GTF2IRD1: variants seen among roughly 807,000 people sequenced by gnomAD.
The protein encoded by GTF2IRD1 is general transcription factor II-I repeat domain-containing protein 1.
Under a neutral mutation model 113.2 loss-of-function variants are expected in GTF2IRD1, and 26 were observed. The observed-to-expected ratio is 0.23, with a 90% CI of 0.17 to 0.32. The LOEUF is 0.32. Ranked by LOEUF, GTF2IRD1 falls within the 10% of genes least tolerant of loss-of-function variation. GTF2IRD1 has a pLI of 1.00. For missense variants in GTF2IRD1, 864 were observed against 1,280.8 expected, an observed-to-expected ratio of 0.67 and a Z score of 4.97; for synonymous variants, 484 against 529.1, an observed-to-expected ratio of 0.91 and a Z score of 1.17.
intron 14 of GTF2IRD1, among the ~76,000 whole-genome samples, chr7:74,543,388 G>A (rs1367427744): frequency 6.6e-6 from 1 of 151,970 alleles, no homozygotes; most frequent in Non-Finnish European, 1.5e-5. Context: ...CAGGAGAATC[G>A]CTTGAACCCA....
At position 74,519,203 on chromosome 7, in the gene GTF2IRD1, G is replaced by A. The variant is rs113815391; in HGVS notation, c.606-206G>A. 2.9e-3 allele frequency among the ~76,000 whole-genome samples: 435 copies of A among 152,314 alleles called. 2 individuals carry two copies. Among genetic ancestry groups the A allele is most frequent in the African/African-American group, 9.8e-3 (406 of 41,582 alleles). ...AGAGGGGCAGGGCCCAGGTCCTCCG[G>A]TGGCCTAGCTCTGTGGCCCTGGGCA... On this transcript the variant is annotated intron_variant, in intron 5 of 26. Coordinates refer to ENST00000424337, the MANE Select transcript of GTF2IRD1 (RefSeq NM_005685.4).
intron 6 of GTF2IRD1, among the ~76,000 whole-genome samples, chr7:74,520,757 T>C (rs1584587344): frequency 8.3e-6 from 1 of 120,094 alleles, no homozygotes; most frequent in African/African-American, 3.3e-5. Flanking sequence ...CATAGCAAGA[T>C]CCTATCTCTA....
At chr7:74,544,875 C>T (rs1798836779) in intron 15 of GTF2IRD1, 73 bp downstream of exon 15, 4 of 1,250,184 alleles carry the variant, frequency 3.2e-6, no homozygotes, top group Middle Eastern at 1.9e-4. Flanking sequence ...GCCCACCTCC[C>T]CTTGGCCTCT....
chr7:74,500,799 C>T (rs943027699), intron 1 of GTF2IRD1, among the ~76,000 whole-genome samples: 29 of 152,080 alleles, frequency 1.9e-4, no homozygotes, highest in Admixed American at 1.2e-3. Context: ...TCACAGTTCT[C>T]TGTAGCCTCG....
Position 74,558,976 on chromosome 7 carries a change from T to C in GTF2IRD1, c.2223T>C (p.Cys741=). The stretch of plus-strand genomic sequence containing the variant: ...CAGGAATCCCGTTCCGAAAGCCCTG[T>C]ACCTTCGGCTCCCAGAACCTGGAGA... The part of the protein sequence containing the change: ...LPPGIPFRKP[C]TFGSQNLERI... Residue 741 remains cysteine (C), a synonymous_variant, in exon 21 of 27, where the codon TGT becomes TGC. Transcript: ENST00000424337. 6.2e-7 allele frequency: 1 copy of C among 1,614,142 alleles called. No homozygotes were observed. The highest frequency in any genetic ancestry group is 8.5e-7 in the Non-Finnish European group (1 of 1,180,004).
intron 22 of GTF2IRD1, 43 bp downstream of exon 22, chr7:74,559,698 C>T (rs782434777): frequency 4.6e-6 from 7 of 1,535,996 alleles, no homozygotes; most frequent in African/African-American, 1.4e-5. Flanking sequence ...GAATAGGGCC[C>T]GATCGTGGTG....
intron 13 of GTF2IRD1, among the ~76,000 whole-genome samples, chr7:74,539,457 G>T (rs1413093001): frequency 6.6e-6 from 1 of 151,470 alleles, no homozygotes; most frequent in African/African-American, 2.4e-5. Flanking sequence ...CAAAAAAAAA[G>T]AAATGACTGG....
At chr7:74,543,467 T>C (rs1798742356) in intron 14 of GTF2IRD1, among the ~76,000 whole-genome samples, 1 of 152,066 alleles carries the variant, frequency 6.6e-6, no homozygotes, top group South Asian at 2.1e-4. Flanking sequence ...AGCGAGACTC[T>C]GTCTCAAAAA....
At chr7:74,505,929 C>T (rs1796275715) in intron 1 of GTF2IRD1, 2 of 152,266 alleles carry the variant, frequency 1.3e-5, no homozygotes, top group African/African-American at 4.8e-5. Context: ...CTCCGCATCC[C>T]TTAATACAGC....
At chr7:74,533,695 G>A (rs1417870442) in intron 9 of GTF2IRD1, among the ~76,000 whole-genome samples, 1 of 152,060 alleles carries the variant, frequency 6.6e-6, no homozygotes, top group Non-Finnish European at 1.5e-5. Context: ...GGGAAGGGCT[G>A]GCCGCTCACT....
At position 74,546,774 on chromosome 7, in the gene GTF2IRD1, G is replaced by A. The variant is rs150342700; in HGVS notation, c.1733-329G>A. Among the ~76,000 whole-genome samples, 1,279 of 152,294 alleles carry A rather than the reference G, an allele frequency of 8.4e-3. 8 individuals carry two copies. The highest frequency in any genetic ancestry group is 0.012 in the African/African-American group (519 of 41,556). The stretch of plus-strand genomic sequence containing the variant: ...CCAGTGGACTCGGGGAAGCAATGCC[G>A]AATCTCAGCAGCCATTAGTGGTGGC... On this transcript the variant is annotated intron_variant, in intron 16 of 26. Transcript: ENST00000424337.
intron 10 of GTF2IRD1, 86 bp downstream of exon 10, chr7:74,535,224 C>A: frequency 9.6e-7 from 1 of 1,037,376 alleles, no homozygotes; most frequent in Non-Finnish European, 1.5e-6. Flanking sequence ...GGACTTGGTC[C>A]TCCTGAGCGC....
chr7:74,486,758 G>A (rs1315661485), intron 1 of GTF2IRD1, among the ~76,000 whole-genome samples: 1 of 151,690 alleles, frequency 6.6e-6, no homozygotes, highest in Non-Finnish European at 1.5e-5. Flanking sequence ...GATTGCTTGA[G>A]CCTAGGAGTT....
At position 74,515,255 on chromosome 7, in the gene GTF2IRD1, C is replaced by T. The variant is rs1796859888; in HGVS notation, c.266-186C>T. On this transcript the variant is annotated intron_variant, in intron 3 of 26. Transcript: ENST00000424337. ...CCCTGGGAACTCTGAGATGACCAGCCCTGGCCCTCAGTGGGGTGGTTGGAA... is the reference window on the plus strand; with the variant it reads ...CCCTGGGAACTCTGAGATGACCAGCTCTGGCCCTCAGTGGGGTGGTTGGAA... 34 of 1,242,884 alleles carry T rather than the reference C, an allele frequency of 2.7e-5. No individual in the cohort carries two copies. In the South Asian group the frequency reaches 4.5e-4, roughly 17 times the overall value. The allele number at this position is 1,242,884 out of a possible 1,614,324, so 77.0% of individuals were successfully genotyped here.
At chr7:74,579,348 T>C (rs1217446837) in intron 22 of GTF2IRD1, among the ~76,000 whole-genome samples, 2 of 152,170 alleles carry the variant, frequency 1.3e-5, no homozygotes, top group African/African-American at 2.4e-5. Flanking sequence ...CCAGGCGCAG[T>C]GGCTCATGCC....
intron 1 of GTF2IRD1, 79 bp from the exon 2 acceptor site, chr7:74,507,996 T>G (rs1218847605): frequency 2.7e-6 from 4 of 1,482,680 alleles, no homozygotes; most frequent in Non-Finnish European, 3.6e-6. Context: ...GGGGGTCAGG[T>G]GGATTGGGGT....
intron 22 of GTF2IRD1, among the ~76,000 whole-genome samples, chr7:74,581,750 G>A (rs1801434563): frequency 6.6e-6 from 1 of 152,206 alleles, no homozygotes; most frequent in African/African-American, 2.4e-5. Context: ...GCTCACGCCT[G>A]TATCTCAGCA....
At chr7:74,556,523 T>C (rs1249626280) in intron 19 of GTF2IRD1, among the ~76,000 whole-genome samples, 7 of 150,742 alleles carry the variant, frequency 4.6e-5, no homozygotes, top group Non-Finnish European at 1.0e-4. Flanking sequence ...GGTTTCACCA[T>C]GTTGGACAGG....
rs587716069 is a variant in GTF2IRD1, at chr7:74,538,856, G to A, written c.1528+96G>A. 8.2e-5 allele frequency: 58 copies of A among 709,286 alleles called. 1 individual carries two copies. The South Asian group carries it at 8.3e-4, about 10-fold the overall frequency. The allele number at this position is 709,286 out of a possible 1,614,324, so 43.9% of individuals were successfully genotyped here. On this transcript the variant is annotated intron_variant, in intron 13 of 26. Coordinates refer to ENST00000424337, the MANE Select transcript of GTF2IRD1 (RefSeq NM_005685.4). ...CTGGTGAAGAAGTGGCCTCCAGGCC[G>A]CTGTTTCTCTCTGTGGATTCTGAGA...
Sources: gnomAD v4.1 joint callset for allele counts (sites outside exome capture counted in the v4.1 genomes callset) on GRCh38, gnomAD v4.1.1 for gene constraint, MANE v1.5 for transcripts, NCBI Gene and HGNC (gene_info 2026-07-23, HGNC 2026-07-21) for gene names.